EPM2A: variants seen among roughly 807,000 people sequenced by gnomAD.
EPM2A encodes laforin.
EPM2A carries 21 observed loss-of-function variants against 26.5 expected under a neutral mutation model. The observed-to-expected ratio is 0.79, with a 90% confidence interval of 0.56 to 1.14. The LOEUF (loss-of-function observed/expected upper bound fraction) is 1.14. Among genes scored for constraint, EPM2A ranks in the 50% most tolerant of loss-of-function variants. The pLI, the probability that EPM2A is intolerant of heterozygous loss-of-function variation, is 0.00. For synonymous variants in EPM2A, 217 were observed against 177.6 expected (o/e 1.22, Z -1.76); for missense variants, 458 against 440.8 (o/e 1.04, Z -0.35).
At chr6:145,486,003 T>C (rs1779666683) in intron 4 of EPM2A, among the ~76,000 whole-genome samples, 1 of 152,198 alleles carries the variant, frequency 6.6e-6, no homozygotes, top group Non-Finnish European at 1.5e-5. Flanking sequence ...GTGGGAATTA[T>C]GGAAGCTACA....
At chr6:145,430,044 T>C (rs1280755191) in intron 4 of EPM2A, among the ~76,000 whole-genome samples, 1 of 150,408 alleles carries the variant, frequency 6.6e-6, no homozygotes, top group African/African-American at 2.4e-5. Flanking sequence ...ATACAAAAAT[T>C]AGCCCAGCAT....
At chr6:145,395,212 C>T (rs1205189732) in intron 4 of EPM2A, among the ~76,000 whole-genome samples, 2 of 152,138 alleles carry the variant, frequency 1.3e-5, no homozygotes, top group East Asian at 1.9e-4. Context: ...ATGGCACAAC[C>T]TCTATATGCT....
At chr6:145,678,190 A>G (rs1421059500) in intron 2 of EPM2A, among the ~76,000 whole-genome samples, 3 of 152,222 alleles carry the variant, frequency 2.0e-5, no homozygotes, top group African/African-American at 7.2e-5. Flanking sequence ...AGGATTCCCT[A>G]TTTAATAAAT....
At chr6:145,669,544 G>T (rs1054701599) in intron 2 of EPM2A, among the ~76,000 whole-genome samples, 2 of 152,092 alleles carry the variant, frequency 1.3e-5, no homozygotes, top group Non-Finnish European at 2.9e-5. Flanking sequence ...ATAATCAGCT[G>T]GGCTTCCTGA....
chr6:145,498,681 C>T (rs1389659509), downstream of EPM2A, among the ~76,000 whole-genome samples: 1 of 152,190 alleles, frequency 6.6e-6, no homozygotes, highest in Non-Finnish European at 1.5e-5. Flanking sequence ...TCTCCATTCT[C>T]CCTGGGTTGA....
intron 1 of EPM2A, among the ~76,000 whole-genome samples, chr6:145,713,419 C>T (rs939248473): frequency 6.6e-6 from 1 of 152,258 alleles, no homozygotes; most frequent in East Asian, 1.9e-4. Context: ...AAGATACATA[C>T]ACATATGTGT....
chr6:145,574,896 T>A (rs1781009322), intron 2 of EPM2A, among the ~76,000 whole-genome samples: 1 of 152,150 alleles, frequency 6.6e-6, no homozygotes, highest in Admixed American at 6.5e-5. Flanking sequence ...TAATATCTAT[T>A]CCCATGCCGT....
At chr6:145,467,786 C>G (rs192086378) in intron 4 of EPM2A, among the ~76,000 whole-genome samples, 1 of 152,036 alleles carries the variant, frequency 6.6e-6, no homozygotes. Context: ...GAGTGTTACA[C>G]TGTTTTTCGT....
downstream of EPM2A, among the ~76,000 whole-genome samples, chr6:145,622,309 C>T (rs560079552): frequency 6.6e-6 from 1 of 152,164 alleles, no homozygotes; most frequent in South Asian, 2.1e-4. Flanking sequence ...AAACTCAACC[C>T]AATCTGGTCC....
At chr6:145,413,120 A>C (rs2114676737) in intron 4 of EPM2A, among the ~76,000 whole-genome samples, 1 of 152,318 alleles carries the variant, frequency 6.6e-6, no homozygotes, top group South Asian at 2.1e-4. Context: ...TAATGCACAG[A>C]ATCAGGGAAA....
chr6:145,388,745 T>C (rs1437023891), intron 4 of EPM2A, among the ~76,000 whole-genome samples: 1 of 152,270 alleles, frequency 6.6e-6, no homozygotes, highest in Admixed American at 6.5e-5. Context: ...CTCCCACTTA[T>C]GAGTGAGAAC....
At chr6:145,631,105 G>C (rs1199282720) in intron 3 of EPM2A, 2 of 152,034 alleles carry the variant, frequency 1.3e-5, no homozygotes, top group Non-Finnish European at 2.9e-5. Context: ...TGTCCTCCTT[G>C]AGGATTAACA....
intron 1 of EPM2A, among the ~76,000 whole-genome samples, chr6:145,688,437 A>G (rs1277411393): frequency 1.3e-4 from 20 of 152,188 alleles, no homozygotes; most frequent in Admixed American, 1.3e-3. Flanking sequence ...TTCAATATAC[A>G]GTGGCACTAT....
chr6:145,404,253 CT>C (rs1424413656), intron 4 of EPM2A, among the ~76,000 whole-genome samples: 1 of 152,030 alleles, frequency 6.6e-6, no homozygotes, highest in African/African-American at 2.4e-5. Flanking sequence ...TCTCTGATGA[CT>C]TTTACATTTG....
rs117367682 is a variant in EPM2A, at chr6:145,634,293, A to G, written c.718+952T>C. 4.1e-3 allele frequency among the ~76,000 whole-genome samples: 623 copies of G among 152,270 alleles called. 18 individuals are homozygous for G. The East Asian group carries it at 0.07, about 17-fold the overall frequency. ...AAGTACCCTATTCTACAACCAGGCT[A>G]AAATCCCTATCATTCCTCTAAAATT... is the stretch of plus-strand genomic sequence containing the variant. On this transcript the variant is annotated intron_variant, in intron 3 of 3. Transcript: ENST00000367519.
chr6:145,666,802 G>C (rs1290760917), intron 2 of EPM2A, among the ~76,000 whole-genome samples: 1 of 150,960 alleles, frequency 6.6e-6, no homozygotes, highest in Non-Finnish European at 1.5e-5. Flanking sequence ...CATGGTACTG[G>C]TACCAAAACA....
intron 4 of EPM2A, among the ~76,000 whole-genome samples, chr6:145,430,726 G>A (rs904531938): frequency 1.3e-5 from 2 of 152,216 alleles, no homozygotes; most frequent in African/African-American, 4.8e-5. Context: ...CTGAGATTAG[G>A]TTTCTAAAAA....
chr6:145,690,976 TAA>T (rs879100094), intron 1 of EPM2A, among the ~76,000 whole-genome samples: 6 of 137,864 alleles, frequency 4.4e-5, no homozygotes, highest in Admixed American at 7.3e-5. Flanking sequence ...TAGGCTGAAT[TAA>T]AAAAAAAAAA....
At chr6:145,437,000 A>C (rs531429026) in intron 4 of EPM2A, among the ~76,000 whole-genome samples, 14 of 152,304 alleles carry the variant, frequency 9.2e-5, no homozygotes, top group Admixed American at 7.8e-4. Context: ...CATATTTAAA[A>C]TAGCTTTTTT....
Sources: gnomAD v4.1 joint callset for allele counts (sites outside exome capture counted in the v4.1 genomes callset) on GRCh38, gnomAD v4.1.1 for gene constraint, MANE v1.5 for transcripts, NCBI Gene and HGNC (gene_info 2026-07-23, HGNC 2026-07-21) for gene names.